The following SLC22A3 variants were observed in gnomAD, a reference collection of about 807,000 sequenced individuals.
The protein encoded by SLC22A3 is solute carrier family 22 member 3.
Under a neutral mutation model 59.1 loss-of-function variants are expected in SLC22A3, and 51 were observed. The ratio of observed to expected loss-of-function variants is 0.86; its 90% CI spans 0.69 to 1.09. The LOEUF (loss-of-function observed/expected upper bound fraction) is 1.09. Among genes scored for constraint, SLC22A3 ranks in the 50% least tolerant of loss-of-function variants. The pLI is 0.00. For missense variants in SLC22A3, 711 were observed against 726.3 expected, an observed-to-expected ratio of 0.98 and a Z score of 0.24; for synonymous variants, 325 against 292.0, an observed-to-expected ratio of 1.11 and a Z score of -1.15.
intron 5 of SLC22A3, among the ~76,000 whole-genome samples, chr6:160,434,345 T>G (rs1788262115): frequency 6.6e-6 from 1 of 152,238 alleles, no homozygotes; most frequent in South Asian, 2.1e-4. Context: ...GAATGAAATA[T>G]ATTCAGCAGT....
intron 9 of SLC22A3, among the ~76,000 whole-genome samples, chr6:160,446,527 T>C (rs979478902): frequency 6.6e-6 from 1 of 152,132 alleles, no homozygotes; most frequent in Non-Finnish European, 1.5e-5. Flanking sequence ...TTACCACTTA[T>C]AAATCCATCA....
intron 1 of SLC22A3, among the ~76,000 whole-genome samples, chr6:160,354,816 C>T (rs1449181259): frequency 2.0e-5 from 3 of 152,096 alleles, no homozygotes; most frequent in Non-Finnish European, 4.4e-5. Context: ...CTAATTTGCT[C>T]TAAAGGCTGA....
chr6:160,419,436 CT>C (rs1787639576), intron 5 of SLC22A3, among the ~76,000 whole-genome samples: 1 of 152,148 alleles, frequency 6.6e-6, no homozygotes, highest in Non-Finnish European at 1.5e-5. Flanking sequence ...AGGGTGCTGT[CT>C]TTGTTAACTG....
Position 160,408,861 on chromosome 6 carries a change from A to G in SLC22A3, c.797A>G (p.Asn266Ser), listed in dbSNP as rs747240128. 25 of 1,613,660 alleles carry G rather than the reference A, an allele frequency of 1.5e-5. No individual in the cohort carries two copies. The Admixed American group carries it at 1.7e-4, about 11-fold the overall frequency. Residue 266 changes from asparagine to serine, a missense_variant, in exon 4 of 11, where the codon AAC becomes AGC. Transcript: ENST00000275300. ...CCTGGAATTGCCTACTTCATCCCCA[A>G]CTGGCAAGGAATCCAGTTAGCCATC... is the stretch of plus-strand genomic sequence containing the variant. ...ILPGIAYFIP[N>S]WQGIQLAITL...
chr6:160,375,967 C>G (rs887366303), intron 1 of SLC22A3, among the ~76,000 whole-genome samples: 16 of 152,066 alleles, frequency 1.1e-4, no homozygotes, highest in Middle Eastern at 6.3e-3. Context: ...GGATAATAAT[C>G]ATGTCTACCT....
At chr6:160,397,790 C>T (rs1316956535) in intron 1 of SLC22A3, among the ~76,000 whole-genome samples, 189 bp from the exon 2 acceptor site, 1 of 151,698 alleles carries the variant, frequency 6.6e-6, no homozygotes, top group Non-Finnish European at 1.5e-5. Flanking sequence ...AAATTACATC[C>T]TTTGCAGTTA....
At chr6:160,426,385 G>A in intron 5 of SLC22A3, 3 of 978,720 alleles carry the variant, frequency 3.1e-6, no homozygotes, top group Non-Finnish European at 3.6e-6. Context: ...CTCTGTGCAT[G>A]GCTCAGGCAT....
At position 160,368,443 on chromosome 6, in the gene SLC22A3, T is replaced by C. The variant is rs974284442; in HGVS notation, c.429+19595T>C. Among the ~76,000 whole-genome samples the C allele has an allele frequency of 1.8e-4, 27 of 152,176 alleles. 1 individual carries two copies. The highest frequency in any genetic ancestry group is 4.4e-5 in the Non-Finnish European group (3 of 68,032). ...TCAGTCTCTCCTTCACTGGTGTTCT[T>C]TGCTTGTCCACCCTTAAACCTGCTT... On this transcript the variant is annotated intron_variant, in intron 1 of 10. Coordinates refer to ENST00000275300, the MANE Select transcript of SLC22A3 (RefSeq NM_021977.4).
At chr6:160,413,472 A>G (rs1787340518) in intron 5 of SLC22A3, among the ~76,000 whole-genome samples, 1 of 152,218 alleles carries the variant, frequency 6.6e-6, no homozygotes, top group African/African-American at 2.4e-5. Flanking sequence ...CTCCTGATCA[A>G]TCTTAGTTTT....
At chr6:160,376,940 G>A (rs1427216348) in intron 1 of SLC22A3, among the ~76,000 whole-genome samples, 1 of 152,230 alleles carries the variant, frequency 6.6e-6, no homozygotes, top group Non-Finnish European at 1.5e-5. Context: ...TGGGTGAGAA[G>A]TTAATTTTGT....
At chr6:160,387,236 G>A (rs950982723) in intron 1 of SLC22A3, among the ~76,000 whole-genome samples, 5 of 152,230 alleles carry the variant, frequency 3.3e-5, no homozygotes. Flanking sequence ...GCTTTCTGTA[G>A]GTTTCAGGTT....
intron 1 of SLC22A3, among the ~76,000 whole-genome samples, chr6:160,362,414 G>C (rs1173762621): frequency 1.3e-5 from 2 of 152,204 alleles, no homozygotes; most frequent in Non-Finnish European, 2.9e-5. Flanking sequence ...CCCTCTGCGA[G>C]ACTCTGCTCT....
chr6:160,436,912 G>A (rs752673339), intron 6 of SLC22A3, 35 bp downstream of exon 6: 16 of 1,609,650 alleles, frequency 9.9e-6, no homozygotes, highest in East Asian at 6.7e-5. Flanking sequence ...AAAAGCTTGC[G>A]TTAAATTTAC....
intron 1 of SLC22A3, 165 bp downstream of exon 1, chr6:160,349,013 C>T (rs893251274): frequency 1.1e-5 from 11 of 985,334 alleles, no homozygotes; most frequent in Admixed American, 1.2e-4. Context: ...TTGGAAGTGC[C>T]GCGTCGTAAA....
chr6:160,379,533 G>T, intron 1 of SLC22A3, among the ~76,000 whole-genome samples: 1 of 152,272 alleles, frequency 6.6e-6, no homozygotes, highest in East Asian at 1.9e-4. Flanking sequence ...AACCATAAAA[G>T]TCAGTGAAAA....
In SLC22A3 at chr6:160,437,130, C is replaced by A. The variant is rs1046869631; in HGVS notation, c.1207C>A (p.Arg403Ser). The A allele has an allele frequency of 6.2e-7, 1 of 1,614,128 alleles. No homozygotes were observed. ...GALLILLTIE[R>S]LGRRLPFAAS... is the part of the protein sequence containing the mutation. ...TCTCTTGATCTTACTAACCATTGAG[C>A]GCCTTGGACGACGCCTCCCCTTTGC... The change falls in exon 7 of 11, where the codon CGC (arginine) becomes AGC (serine). Residue 403 changes from arginine to serine, a missense_variant. Transcript: ENST00000275300.
At position 160,447,513 on chromosome 6, in the gene SLC22A3, C is replaced by A. The variant is rs552680930; in HGVS notation, c.1511-206C>A. Among the ~76,000 whole-genome samples, 118 of 152,162 alleles carry A rather than the reference C, an allele frequency of 7.8e-4. 1 individual carries two copies. Among genetic ancestry groups the A allele is most frequent in the South Asian group, 1.5e-3 (7 of 4,812 alleles). Reference sequence around the variant, plus strand: ...ACATGGCTGCCAGGTATACAGGGGCCGTGGTGCTACTCAGGGTTTGAGGAA... The same window carrying A: ...ACATGGCTGCCAGGTATACAGGGGCAGTGGTGCTACTCAGGGTTTGAGGAA... On this transcript the variant is annotated intron_variant, in intron 9 of 10. Transcript: ENST00000275300.
In SLC22A3 at chr6:160,442,884, C is replaced by T. The variant is rs748370844; in HGVS notation, c.1397+15C>T. 2.0e-5 allele frequency: 32 copies of T among 1,573,796 alleles called. No homozygotes were observed. The highest frequency in any genetic ancestry group is 5.5e-5 in the South Asian group (5 of 90,282). Reference sequence around the variant, plus strand: ...ACAACATTACGGTAATTCTAACAAACGTTATAGTTTCTCCTAAGTAACTCT... The same window carrying T: ...ACAACATTACGGTAATTCTAACAAATGTTATAGTTTCTCCTAAGTAACTCT... On this transcript the variant is annotated intron_variant, in intron 8 of 10. Coordinates refer to ENST00000275300, the MANE Select transcript of SLC22A3 (RefSeq NM_021977.4).
intron 2 of SLC22A3, among the ~76,000 whole-genome samples, chr6:160,401,978 A>G (rs1786801765): frequency 6.6e-6 from 1 of 152,028 alleles, no homozygotes; most frequent in South Asian, 2.1e-4. Flanking sequence ...AGAATAAAAA[A>G]TAAGGGAAAC....
Sources: gnomAD v4.1 joint callset for allele counts (sites outside exome capture counted in the v4.1 genomes callset) on GRCh38, gnomAD v4.1.1 for gene constraint, MANE v1.5 for transcripts, NCBI Gene and HGNC (gene_info 2026-07-23, HGNC 2026-07-21) for gene names.